Variants in GAREM1 observed in about 807,000 individuals in gnomAD.
GAREM1 encodes the protein GRB2-associated and regulator of MAPK protein 1.
A neutral mutation model predicts 71.3 loss-of-function variants in GAREM1; 26 were observed. The observed-to-expected ratio is 0.36, with a 90% confidence interval of 0.27 to 0.51. The LOEUF (loss-of-function observed/expected upper bound fraction) is 0.51. Ranked by LOEUF, GAREM1 falls within the 20% of genes least tolerant of loss-of-function variation. GAREM1 has a pLI of 0.95. For missense variants in GAREM1, 1,026 were observed against 1,103.1 expected (o/e 0.93, Z 0.99); for synonymous variants, 440 against 433.2 (o/e 1.02, Z -0.20).
chr18:32,310,268 G>A lies in GAREM1; in HGVS notation c.318C>T (p.Phe106=), dbSNP rs1430595053. ...CCTTAGCCACCTCCTCCACACTGTT[G>A]AAATATTGCACTGGCTCCTTTATAT... The part of the protein sequence containing the change: ...DRDIKEPVQY[F]NSVEEVAKAF... The change falls in exon 3 of 6, where the codon TTC becomes TTT. Residue 106 remains phenylalanine (F), a synonymous_variant. Coordinates refer to ENST00000269209, the MANE Select transcript of GAREM1 (RefSeq NM_001242409.2). 3.1e-6 allele frequency: 5 copies of A among 1,613,982 alleles called. No individual in the cohort carries two copies. The Admixed American group carries it at 8.3e-5, about 27-fold the overall frequency.
At chr18:32,322,404 C>T (rs1387477816) in intron 2 of GAREM1, among the ~76,000 whole-genome samples, 1 of 152,208 alleles carries the variant, frequency 6.6e-6, no homozygotes, top group Non-Finnish European at 1.5e-5. Context: ...AATGCACCAT[C>T]TGGAATACCT....
At chr18:32,325,319 A>G (rs2047464440) in intron 2 of GAREM1, among the ~76,000 whole-genome samples, 2 of 152,132 alleles carry the variant, frequency 1.3e-5, no homozygotes, top group Non-Finnish European at 2.9e-5. Flanking sequence ...TGTTTCTCCA[A>G]ACTCACAGAA....
chr18:32,418,260 C>T (rs2048483414), intron 1 of GAREM1, among the ~76,000 whole-genome samples: 1 of 152,132 alleles, frequency 6.6e-6, no homozygotes, highest in Non-Finnish European at 1.5e-5. Context: ...AAATTAGCGA[C>T]TTTCTTCTTG....
chr18:32,287,481 G>A lies in GAREM1; in HGVS notation c.1116C>T (p.Leu372=), dbSNP rs1399612349. Reference sequence around the variant, plus strand: ...GGGTGAGCTCATCGCGGGCGTAGCTGAGCGAATTGGGCACGTGGTTGTGGC... The same window carrying A: ...GGGTGAGCTCATCGCGGGCGTAGCTAAGCGAATTGGGCACGTGGTTGTGGC... ...CSGHNHVPNS[L]SYARDELTQS... is the part of the protein sequence containing the mutation. The change falls in exon 4 of 6, where the codon CTC becomes CTT. Residue 372 remains leucine (L), a synonymous_variant. Coordinates refer to ENST00000269209, the MANE Select transcript of GAREM1 (RefSeq NM_001242409.2). The surrounding 1 kb of genome is among the most constrained non-coding windows in gnomAD (Gnocchi z 5.9). 7 of 1,614,090 alleles carry A rather than the reference G, an allele frequency of 4.3e-6. No homozygotes were observed. The highest frequency in any genetic ancestry group is 1.3e-5 in the African/African-American group (1 of 74,934).
At chr18:32,461,837 A>C (rs1225630293) in intron 1 of GAREM1, among the ~76,000 whole-genome samples, 2 of 152,318 alleles carry the variant, frequency 1.3e-5, no homozygotes, top group African/African-American at 4.8e-5. Context: ...CTGAAGATGC[A>C]TGGGGAGTTT....
intron 1 of GAREM1, among the ~76,000 whole-genome samples, chr18:32,395,882 C>G (rs1194895415): frequency 3.9e-5 from 6 of 152,168 alleles, no homozygotes; most frequent in African/African-American, 1.4e-4. Flanking sequence ...GGGTCCCTGA[C>G]CCCCAAGTAG....
In GAREM1 at chr18:32,372,185, G is replaced by A. The variant is rs141785108; in HGVS notation, c.262+20710C>T. On this transcript the variant is annotated intron_variant, in intron 2 of 5. Transcript: ENST00000269209. ...TTCATATATTCTTCTGTGTGTATGT[G>A]TACACACACAAAGCAGACAGAAAAT... Among the ~76,000 whole-genome samples, 222 of 152,286 alleles carry A rather than the reference G, an allele frequency of 1.5e-3. 5 individuals are homozygous for A. Among genetic ancestry groups the A allele is most frequent in the Admixed American group, 0.013 (194 of 15,302 alleles).
At chr18:32,392,131 A>C (rs536193414) in intron 2 of GAREM1, among the ~76,000 whole-genome samples, 1 of 152,282 alleles carries the variant, frequency 6.6e-6, no homozygotes, top group East Asian at 1.9e-4. Context: ...AATATTGAAC[A>C]ATACTAGAGA....
intron 2 of GAREM1, among the ~76,000 whole-genome samples, chr18:32,313,017 T>G (rs2047339140): frequency 3.9e-5 from 6 of 152,232 alleles, no homozygotes; most frequent in Admixed American, 3.9e-4. Flanking sequence ...CAGCATTTTT[T>G]AAGTTCTTAC....
intron 2 of GAREM1, among the ~76,000 whole-genome samples, chr18:32,380,474 T>TAAAAAAAAAAAA (rs35881689): frequency 8.7e-5 from 8 of 92,436 alleles, no homozygotes; most frequent in Non-Finnish European, 1.2e-4. Context: ...AGACTTCATT[T>TAAAAAAAAAAAA]AAAAAAAAAA....
intron 1 of GAREM1, among the ~76,000 whole-genome samples, chr18:32,400,161 C>A (rs2048299309): frequency 6.6e-6 from 1 of 152,130 alleles, no homozygotes; most frequent in African/African-American, 2.4e-5. Context: ...ACACCTTATA[C>A]AAAAATTAAT....
intron 1 of GAREM1, among the ~76,000 whole-genome samples, chr18:32,421,766 G>C (rs1568005256): frequency 6.6e-6 from 1 of 152,026 alleles, no homozygotes; most frequent in East Asian, 1.9e-4. Context: ...ATTTGCAAGA[G>C]ATCTGTTTTT....
chr18:32,390,537 G>A (rs1343755093), intron 2 of GAREM1, among the ~76,000 whole-genome samples: 2 of 151,980 alleles, frequency 1.3e-5, no homozygotes, highest in African/African-American at 4.8e-5. Context: ...TGTGATCTTA[G>A]TGCCCATGTT....
chr18:32,351,662 A>T (rs2047752864), intron 2 of GAREM1, among the ~76,000 whole-genome samples: 1 of 152,098 alleles, frequency 6.6e-6, no homozygotes, highest in Non-Finnish European at 1.5e-5. Flanking sequence ...ATATACAGAA[A>T]AATGGAAAAG....
At chr18:32,367,153 G>T (rs1304468778) in intron 2 of GAREM1, among the ~76,000 whole-genome samples, 2 of 152,038 alleles carry the variant, frequency 1.3e-5, no homozygotes, top group South Asian at 2.1e-4. Context: ...TTCATTTTCT[G>T]CAAAGCCCAA....
At chr18:32,268,832 T>C in intron 5 of GAREM1, 64 bp from the exon 6 acceptor site, 2 of 1,411,300 alleles carry the variant, frequency 1.4e-6, no homozygotes, top group Non-Finnish European at 1.9e-6. Flanking sequence ...AAGGCTTTTG[T>C]TATTTATAGA....
At chr18:32,423,144 T>C (rs576085557) in intron 1 of GAREM1, among the ~76,000 whole-genome samples, 15 of 152,306 alleles carry the variant, frequency 9.8e-5, no homozygotes, top group African/African-American at 3.6e-4. Context: ...TTTAAGTCTA[T>C]GGGCAGAGTA....
At chr18:32,310,447 TC>T in intron 2 of GAREM1, 124 bp from the exon 3 acceptor site, 1 of 958,370 alleles carries the variant, frequency 1.0e-6, no homozygotes, top group Non-Finnish European at 1.5e-6. Flanking sequence ...TCATCATTAA[TC>T]TTTTTAAAAA....
At chr18:32,348,344 A>C (rs2047715451) in intron 2 of GAREM1, among the ~76,000 whole-genome samples, 1 of 152,182 alleles carries the variant, frequency 6.6e-6, no homozygotes, top group African/African-American at 2.4e-5. Flanking sequence ...TTAAAAGAAA[A>C]CTGTAGCTCA....
Sources: allele counts gnomAD v4.1 joint callset (sites outside exome capture counted in the v4.1 genomes callset), GRCh38; gene constraint gnomAD v4.1.1; non-coding constraint Gnocchi (gnomAD v3.1); transcripts MANE v1.5; gene names NCBI Gene and HGNC (gene_info 2026-07-23, HGNC 2026-07-21).